SUMF1: variants seen among roughly 807,000 people sequenced by gnomAD.
The protein encoded by SUMF1 is formylglycine-generating enzyme.
A neutral mutation model predicts 47.6 loss-of-function variants in SUMF1; 48 were observed. The observed-to-expected ratio is 1.01, with a 90% CI of 0.80 to 1.28. The LOEUF (loss-of-function observed/expected upper bound fraction) is 1.28. SUMF1 is among the 50% of genes most tolerant of loss of function. SUMF1 has a pLI of 0.00. For synonymous variants in SUMF1, 230 were observed against 192.1 expected, an observed-to-expected ratio of 1.20 and a Z score of -1.63; for missense variants, 571 against 485.4, an observed-to-expected ratio of 1.18 and a Z score of -1.66.
chr3:4,442,407 C>T (rs1308246760), intron 3 of SUMF1, among the ~76,000 whole-genome samples: 3 of 122,958 alleles, frequency 2.4e-5, no homozygotes, highest in Non-Finnish European at 5.4e-5. Flanking sequence ...AGGCGCCCAA[C>T]ACCACGCCCG....
chr3:4,242,629 G>T (rs183516111), intron 8 of SUMF1, among the ~76,000 whole-genome samples: 22 of 152,292 alleles, frequency 1.4e-4, no homozygotes, highest in African/African-American at 4.8e-4. Flanking sequence ...AAGCCCACTT[G>T]ATCATGGTGG....
At chr3:4,262,177 G>C (rs1697101058) in intron 8 of SUMF1, among the ~76,000 whole-genome samples, 2 of 152,096 alleles carry the variant, frequency 1.3e-5, no homozygotes, top group Non-Finnish European at 2.9e-5. Flanking sequence ...AACAGACCTG[G>C]AGGGTACCTG....
At chr3:4,202,049 G>A (rs1424238317) in intron 8 of SUMF1, among the ~76,000 whole-genome samples, 2 of 151,790 alleles carry the variant, frequency 1.3e-5, no homozygotes, top group African/African-American at 4.8e-5. Flanking sequence ...CCCATTCTGT[G>A]GGTTGTCTCT....
At chr3:4,379,084 T>A (rs1283422970) in intron 7 of SUMF1, among the ~76,000 whole-genome samples, 1 of 152,224 alleles carries the variant, frequency 6.6e-6, no homozygotes, top group African/African-American at 2.4e-5. Context: ...CTGCTTCTTA[T>A]AAATAAAACT....
intron 1 of SUMF1, among the ~76,000 whole-genome samples, chr3:4,462,405 C>G (rs1458731691): frequency 6.6e-6 from 1 of 152,170 alleles, no homozygotes; most frequent in Non-Finnish European, 1.5e-5. Context: ...CAAGAGATAG[C>G]CAAAGAGAAA....
chr3:4,081,749 C>G (rs1256764834), intron 8 of SUMF1, among the ~76,000 whole-genome samples: 1 of 152,142 alleles, frequency 6.6e-6, no homozygotes, highest in African/African-American at 2.4e-5. Flanking sequence ...GTGGACTTGA[C>G]TAGCCTATAA....
At chr3:4,171,090 A>G (rs1323826084) in intron 8 of SUMF1, among the ~76,000 whole-genome samples, 3 of 152,232 alleles carry the variant, frequency 2.0e-5, no homozygotes, top group Non-Finnish European at 4.4e-5. Flanking sequence ...TTTTGTTAAA[A>G]AGAATTATTC....
chr3:4,291,033 C>T (rs906382073), intron 8 of SUMF1, among the ~76,000 whole-genome samples: 7 of 152,112 alleles, frequency 4.6e-5, no homozygotes, highest in Admixed American at 3.3e-4. Context: ...AGTGATACTG[C>T]CTACCTCACA....
intron 8 of SUMF1, among the ~76,000 whole-genome samples, chr3:4,103,654 G>C (rs1300589056): frequency 1.3e-5 from 2 of 152,070 alleles, no homozygotes. Flanking sequence ...CACCCCAATA[G>C]AAAATAAACA....
chr3:4,151,967 G>T (rs1028501847), intron 8 of SUMF1, among the ~76,000 whole-genome samples: 9 of 151,402 alleles, frequency 5.9e-5, no homozygotes, highest in Non-Finnish European at 1.3e-4. Flanking sequence ...CCTGCTAATG[G>T]GAAACAATGA....
intron 8 of SUMF1, among the ~76,000 whole-genome samples, chr3:4,269,602 C>G (rs114436413): frequency 1.3e-5 from 2 of 152,096 alleles, no homozygotes; most frequent in South Asian, 4.1e-4. Context: ...GGAGAGTTAA[C>G]AAAGACCAGA....
intron 8 of SUMF1, among the ~76,000 whole-genome samples, chr3:4,088,540 CTTTA>C (rs1692720080): frequency 6.6e-6 from 1 of 152,164 alleles, no homozygotes; most frequent in South Asian, 2.1e-4. Flanking sequence ...TCCCTTCCTC[CTTTA>C]TTTTGTCTAT....
intron 8 of SUMF1, among the ~76,000 whole-genome samples, chr3:4,145,126 G>C (rs960646192): frequency 2.0e-5 from 3 of 149,544 alleles, no homozygotes; most frequent in African/African-American, 7.4e-5. Context: ...CCAGGAGGCG[G>C]AGCTTGCAGT....
intron 3 of SUMF1, among the ~76,000 whole-genome samples, chr3:4,446,342 CAA>C (rs1254519633): frequency 3.3e-5 from 5 of 152,192 alleles, no homozygotes; most frequent in African/African-American, 1.2e-4. Context: ...CTCCCCTGCA[CAA>C]ACTCTCTTCC....
intron 8 of SUMF1, among the ~76,000 whole-genome samples, chr3:4,198,262 T>C (rs1695472753): frequency 6.6e-6 from 1 of 152,064 alleles, no homozygotes; most frequent in Admixed American, 6.6e-5. Context: ...AACATGCAGT[T>C]AGACACAAAA....
At chr3:4,204,568 T>C (rs1445760864) in intron 8 of SUMF1, among the ~76,000 whole-genome samples, 1 of 152,166 alleles carries the variant, frequency 6.6e-6, no homozygotes, top group Non-Finnish European at 1.5e-5. Context: ...ATAAATTTTA[T>C]GGTCCAATCT....
At chr3:4,269,424 AT>A (rs1447913579) in intron 8 of SUMF1, among the ~76,000 whole-genome samples, 1 of 152,206 alleles carries the variant, frequency 6.6e-6, no homozygotes, top group Admixed American at 6.5e-5. Context: ...TAGCATTCCA[AT>A]TTTTTAAACC....
intron 8 of SUMF1, among the ~76,000 whole-genome samples, chr3:4,161,997 C>A (rs1279441685): frequency 6.6e-6 from 1 of 152,114 alleles, no homozygotes; most frequent in Non-Finnish European, 1.5e-5. Flanking sequence ...TTTTTCAGGG[C>A]CCAAGGGCTC....
At chr3:4,343,421 A>G (rs970202271) in intron 8 of SUMF1, among the ~76,000 whole-genome samples, 5 of 152,220 alleles carry the variant, frequency 3.3e-5, no homozygotes, top group African/African-American at 4.8e-5. Context: ...TTATTCCTGA[A>G]GACTGATTTC....
Sources: allele counts gnomAD v4.1 joint callset (sites outside exome capture counted in the v4.1 genomes callset), GRCh38; gene constraint gnomAD v4.1.1; transcripts MANE v1.5; gene names NCBI Gene and HGNC (gene_info 2026-07-23, HGNC 2026-07-21).